Variants in ATRNL1 observed in about 807,000 individuals in gnomAD.
ATRNL1 encodes the protein attractin-like protein 1.
In ATRNL1, 95 loss-of-function variants were observed where a neutral mutation model predicts 182.7. The ratio of observed to expected loss-of-function variants is 0.52; its 90% CI spans 0.44 to 0.62. ATRNL1 has a LOEUF of 0.62. ATRNL1 is among the 20% of genes least tolerant of loss of function. The pLI is 0.00. For missense variants in ATRNL1, 1,471 were observed against 1,679.5 expected, an observed-to-expected ratio of 0.88 and a Z score of 2.17; for synonymous variants, 576 against 568.3, an observed-to-expected ratio of 1.01 and a Z score of -0.19.
At position 115,619,256 on chromosome 10, in the gene ATRNL1, G is replaced by C. The variant is rs917809205; in HGVS notation, c.3795+69720G>C. Among the ~76,000 whole-genome samples the C allele has an allele frequency of 5.3e-5, 8 of 152,188 alleles. No homozygotes were observed. In the East Asian group the frequency reaches 9.6e-4, roughly 18 times the overall value. ...ACTGAAGGGAGTGGGTTTGCTGGTAGCAGCAGTGGTGAGTCCCATGTGTGG... is the reference window on the plus strand; with the variant it reads ...ACTGAAGGGAGTGGGTTTGCTGGTACCAGCAGTGGTGAGTCCCATGTGTGG... On this transcript the variant is annotated intron_variant, in intron 26 of 28. Transcript: ENST00000355044.
At chr10:115,673,135 CT>C (rs1466325170) in intron 26 of ATRNL1, among the ~76,000 whole-genome samples, 1 of 152,062 alleles carries the variant, frequency 6.6e-6, no homozygotes, top group Non-Finnish European at 1.5e-5. Flanking sequence ...CCAGGGCATT[CT>C]GATGGAGATG....
At chr10:115,136,644 C>T (rs1198348016) in intron 5 of ATRNL1, among the ~76,000 whole-genome samples, 1 of 152,190 alleles carries the variant, frequency 6.6e-6, no homozygotes, top group African/African-American at 2.4e-5. Context: ...TTTTTACTGT[C>T]TCCACAATTT....
intron 28 of ATRNL1, among the ~76,000 whole-genome samples, chr10:115,860,159 A>G (rs897482143): frequency 3.3e-5 from 5 of 152,200 alleles, no homozygotes; most frequent in Admixed American, 1.3e-4. Context: ...GAGGAATCCT[A>G]CATGGTCCCT....
intron 24 of ATRNL1, among the ~76,000 whole-genome samples, chr10:115,479,086 G>T (rs1848651341): frequency 6.6e-6 from 1 of 151,480 alleles, no homozygotes; most frequent in Admixed American, 6.6e-5. Flanking sequence ...TAGCATCATT[G>T]TTGGCAAAAT....
chr10:115,554,255 C>T (rs1416905552), intron 26 of ATRNL1, among the ~76,000 whole-genome samples: 1 of 151,556 alleles, frequency 6.6e-6, no homozygotes, highest in Non-Finnish European at 1.5e-5. Flanking sequence ...GAATTGCAAA[C>T]TAAAATGATT....
In ATRNL1 at chr10:115,944,942, C is replaced by G. The variant is rs1555125194; in HGVS notation, c.*163C>G. Reference sequence around the variant, plus strand: ...ATGACCCAGGTGGCCAAAGAATGTTCATGAGTTTTATAAAAGTATTGATGG... The same window carrying G: ...ATGACCCAGGTGGCCAAAGAATGTTGATGAGTTTTATAAAAGTATTGATGG... On this transcript the variant is annotated 3_prime_UTR_variant, in exon 29 of 29. Transcript: ENST00000355044. The G allele has an allele frequency of 6.6e-6, 5 of 758,012 alleles. No homozygotes were observed. 47.0% of individuals were successfully genotyped at this position (758,012 alleles called of 1,614,324 possible).
chr10:115,535,063 G>T (rs1373087419), intron 25 of ATRNL1, among the ~76,000 whole-genome samples: 1 of 150,926 alleles, frequency 6.6e-6, no homozygotes, highest in Non-Finnish European at 1.5e-5. Flanking sequence ...TTTCAACTTT[G>T]GTGAATCTGA....
chr10:115,319,334 C>T (rs1317516960), intron 18 of ATRNL1, among the ~76,000 whole-genome samples: 1 of 152,080 alleles, frequency 6.6e-6, no homozygotes, highest in Non-Finnish European at 1.5e-5. Context: ...GAATAAGTGC[C>T]ATGTGGCACT....
intron 27 of ATRNL1, among the ~76,000 whole-genome samples, chr10:115,775,130 C>T (rs1244268334): frequency 6.6e-6 from 1 of 152,090 alleles, no homozygotes; most frequent in Non-Finnish European, 1.5e-5. Flanking sequence ...TGAGTAACTA[C>T]ATTCTGTCCA....
rs1852352742 is a variant in ATRNL1, at chr10:115,281,357, T to C, written c.2103T>C (p.Ser701=). The C allele has an allele frequency of 1.2e-6, 2 of 1,606,522 alleles. No homozygotes were observed. The part of the protein sequence containing the change: ...CISANSNCSM[S]VKNYTKCHVR... ...AACATGCTCTTTTAATTTTGTAGTCTGTCAAGAACTACACCAAATGTCATG... is the reference window on the plus strand; with the variant it reads ...AACATGCTCTTTTAATTTTGTAGTCCGTCAAGAACTACACCAAATGTCATG... Residue 701 remains serine, a splice_region_variant and synonymous_variant, in exon 14 of 29, where the codon TCT becomes TCC. Transcript: ENST00000355044.
intron 26 of ATRNL1, among the ~76,000 whole-genome samples, chr10:115,587,614 G>A (rs182383736): frequency 9.8e-5 from 12 of 122,928 alleles, no homozygotes; most frequent in Non-Finnish European, 1.4e-4. Context: ...CGCCCGCTTC[G>A]GCTCGCGCAT....
chr10:115,487,746 G>A (rs1322062037), intron 24 of ATRNL1, among the ~76,000 whole-genome samples: 2 of 152,022 alleles, frequency 1.3e-5, no homozygotes, highest in African/African-American at 2.4e-5. Flanking sequence ...GATTGCCCTG[G>A]CCAGAACTTC....
At chr10:115,170,900 T>G in intron 7 of ATRNL1, 137 bp from the exon 8 acceptor site, 1 of 451,282 alleles carries the variant, frequency 2.2e-6, no homozygotes, top group Non-Finnish European at 3.6e-6. Context: ...TCATTACTTT[T>G]TACAAATGAG....
intron 6 of ATRNL1, among the ~76,000 whole-genome samples, chr10:115,165,151 T>C (rs1408291469): frequency 1.3e-5 from 2 of 151,586 alleles, no homozygotes; most frequent in African/African-American, 2.4e-5. Flanking sequence ...AAAAAAGGAA[T>C]AAAAATAAAT....
At chr10:115,554,234 T>A (rs1382745204) in intron 26 of ATRNL1, among the ~76,000 whole-genome samples, 1 of 151,672 alleles carries the variant, frequency 6.6e-6, no homozygotes, top group Non-Finnish European at 1.5e-5. Context: ...GCTTGTCATT[T>A]GCTTTTTATT....
At chr10:115,758,953 TA>T (rs1359153872) in intron 27 of ATRNL1, among the ~76,000 whole-genome samples, 12 of 152,206 alleles carry the variant, frequency 7.9e-5, no homozygotes, top group African/African-American at 2.4e-4. Context: ...TTTGTTTTTA[TA>T]AAAAAACTTT....
At chr10:115,850,444 C>T (rs186770324) in intron 28 of ATRNL1, among the ~76,000 whole-genome samples, 20 of 151,978 alleles carry the variant, frequency 1.3e-4, no homozygotes, top group African/African-American at 4.8e-4. Flanking sequence ...TTTCAGTGCT[C>T]GTCCAAATAT....
intron 26 of ATRNL1, among the ~76,000 whole-genome samples, chr10:115,704,171 G>T (rs1946826653): frequency 6.6e-6 from 1 of 151,918 alleles, no homozygotes; most frequent in Middle Eastern, 3.2e-3. Context: ...CAAAATATCA[G>T]TAGGGTTGTT....
intron 1 of ATRNL1, among the ~76,000 whole-genome samples, chr10:115,105,491 G>A (rs1399882453): frequency 2.6e-5 from 4 of 152,240 alleles, no homozygotes; most frequent in African/African-American, 9.6e-5. Context: ...GAAGCCAAAT[G>A]TTAATTTCCA....
Sources: allele counts gnomAD v4.1 joint callset (sites outside exome capture counted in the v4.1 genomes callset), GRCh38; gene constraint gnomAD v4.1.1; transcripts MANE v1.5; gene names NCBI Gene and HGNC (gene_info 2026-07-23, HGNC 2026-07-21).